AGO2: variants seen among roughly 807,000 people sequenced by gnomAD.
AGO2 encodes the protein argonaute RISC catalytic component 2.
A neutral mutation model predicts 102.3 loss-of-function variants in AGO2; 5 were observed. That is an observed-to-expected ratio of 0.05 (90% confidence interval 0.03 to 0.10). AGO2 has a LOEUF of 0.10. Among genes scored for constraint, AGO2 ranks in the 10% least tolerant of loss-of-function variants. AGO2 has a pLI of 1.00. For synonymous variants in AGO2, 449 were observed against 473.1 expected (o/e 0.95, Z 0.66); for missense variants, 541 against 1,183.7 (o/e 0.46, Z 7.97).
At position 140,583,765 on chromosome 8, in the gene AGO2, C is replaced by T. The variant is rs184591472; in HGVS notation, c.215+1354G>A. Among the ~76,000 whole-genome samples, 5 of 152,236 alleles carry T rather than the reference C, an allele frequency of 3.3e-5. No homozygotes were observed. The East Asian group carries it at 9.6e-4, about 29-fold the overall frequency. On this transcript the variant is annotated intron_variant, in intron 2 of 18. Coordinates refer to ENST00000220592, the MANE Select transcript of AGO2 (RefSeq NM_012154.5). ...TGGCAGGTGCCTGTAATCCCAGCTACTTGGGAGGATGAGGCAGGAGAATCA... is the reference window on the plus strand; with the variant it reads ...TGGCAGGTGCCTGTAATCCCAGCTATTTGGGAGGATGAGGCAGGAGAATCA...
At chr8:140,574,763 C>T (rs781288053) in intron 2 of AGO2, among the ~76,000 whole-genome samples, 2 of 151,852 alleles carry the variant, frequency 1.3e-5, no homozygotes, top group Non-Finnish European at 2.9e-5. Context: ...TGGTAAAGAG[C>T]GAGAGAGGAG....
chr8:140,552,965 T>C lies in AGO2; in HGVS notation c.1270-1529A>G, dbSNP rs2073028024. On this transcript the variant is annotated intron_variant, in intron 10 of 18. Coordinates refer to ENST00000220592, the MANE Select transcript of AGO2 (RefSeq NM_012154.5). ...CATCCCTGGTCGAGAACTCCTGCTG[T>C]ACACATTGCTTTCTGAGGGATATTT... 2.0e-5 allele frequency among the ~76,000 whole-genome samples: 3 copies of C among 152,250 alleles called. No individual in the cohort carries two copies. In the South Asian group the frequency reaches 6.2e-4, roughly 31 times the overall value.
At chr8:140,545,889 C>T (rs2132892401) in intron 13 of AGO2, among the ~76,000 whole-genome samples, 1 of 152,344 alleles carries the variant, frequency 6.6e-6, no homozygotes, top group Middle Eastern at 3.4e-3. Flanking sequence ...CACCCCAGCT[C>T]ACCAGAGGGA....
At chr8:140,580,537 C>T (rs2073540935) in intron 2 of AGO2, among the ~76,000 whole-genome samples, 1 of 152,200 alleles carries the variant, frequency 6.6e-6, no homozygotes, top group Non-Finnish European at 1.5e-5. Flanking sequence ...CTTCGTCTCC[C>T]TTTCCACTCG....
At chr8:140,625,500 A>G (rs1291622786) in intron 1 of AGO2, among the ~76,000 whole-genome samples, 1 of 151,598 alleles carries the variant, frequency 6.6e-6, no homozygotes, top group Non-Finnish European at 1.5e-5. Context: ...ATGGTCTTTC[A>G]TCCCTCGTAT....
chr8:140,593,606 G>A (rs1374527251), intron 1 of AGO2, among the ~76,000 whole-genome samples: 1 of 145,378 alleles, frequency 6.9e-6, no homozygotes, highest in Non-Finnish European at 1.5e-5. Context: ...ATTCATCCTA[G>A]ATACCTAGTA....
chr8:140,593,603 C>T (rs998525430), intron 1 of AGO2, among the ~76,000 whole-genome samples: 1 of 150,958 alleles, frequency 6.6e-6, no homozygotes, highest in South Asian at 2.1e-4. Context: ...CTGATTCATC[C>T]TAGATACCTA....
chr8:140,548,916 C>A (rs2072948245), intron 12 of AGO2, among the ~76,000 whole-genome samples, 198 bp downstream of exon 12: 1 of 152,270 alleles, frequency 6.6e-6, no homozygotes, highest in Non-Finnish European at 1.5e-5. Flanking sequence ...TGGCATCATA[C>A]AGGACGACGG....
chr8:140,555,885 C>T lies in AGO2; in HGVS notation c.1269+11G>A. ...CCCGCAGCCACACGTTCCCCGCCGCCCCACACGTACCCTGCCCCCGTAGAG... is the reference window on the plus strand; with the variant it reads ...CCCGCAGCCACACGTTCCCCGCCGCTCCACACGTACCCTGCCCCCGTAGAG... On this transcript the variant is annotated intron_variant, in intron 10 of 18. Coordinates refer to ENST00000220592, the MANE Select transcript of AGO2 (RefSeq NM_012154.5). 1 of 1,611,964 alleles carries T rather than the reference C, an allele frequency of 6.2e-7. No homozygotes were observed. Among genetic ancestry groups the T allele is most frequent in the Non-Finnish European group, 8.5e-7 (1 of 1,179,074 alleles).
intron 1 of AGO2, among the ~76,000 whole-genome samples, chr8:140,611,177 A>G (rs1019318644): frequency 6.6e-6 from 1 of 152,206 alleles, no homozygotes; most frequent in African/African-American, 2.4e-5. Flanking sequence ...GCATCTGCAC[A>G]GTGCAAGGCG....
At position 140,621,840 on chromosome 8, in the gene AGO2, C is replaced by T. The variant is rs1012639767; in HGVS notation, c.22+13645G>A. Among the ~76,000 whole-genome samples, 8 of 152,084 alleles carry T rather than the reference C, an allele frequency of 5.3e-5. No homozygotes were observed. In the South Asian group the frequency reaches 6.2e-4, roughly 12 times the overall value. ...AACTGAACCCTTCGTGAACTGCTGG[C>T]GGGAATGGAAACGGTGCAGCCACTG... On this transcript the variant is annotated intron_variant, in intron 1 of 18. Coordinates refer to ENST00000220592, the MANE Select transcript of AGO2 (RefSeq NM_012154.5).
At chr8:140,594,273 G>A (rs924009578) in intron 1 of AGO2, among the ~76,000 whole-genome samples, 2 of 151,708 alleles carry the variant, frequency 1.3e-5, no homozygotes, top group African/African-American at 4.8e-5. Flanking sequence ...ATATTTGAAG[G>A]AAAAAAATAA....
chr8:140,532,649 C>T (rs1490843985), intron 17 of AGO2, 34 bp from the exon 18 acceptor site: 17 of 1,595,200 alleles, frequency 1.1e-5, no homozygotes, highest in Admixed American at 8.4e-5. Context: ...CAGTTGGACT[C>T]GCATAAAATC....
intron 17 of AGO2, among the ~76,000 whole-genome samples, chr8:140,533,194 CCTGG>C (rs1173150677): frequency 1.3e-5 from 2 of 149,498 alleles, no homozygotes; most frequent in African/African-American, 4.9e-5. Flanking sequence ...TCGAGACCAT[CCTGG>C]CTAACACGGT....
intron 1 of AGO2, among the ~76,000 whole-genome samples, chr8:140,607,501 T>C (rs1564113830): frequency 7.2e-5 from 1 of 13,976 alleles, no homozygotes; most frequent in South Asian, 1.9e-3. Flanking sequence ...TATATATATA[T>C]ATATATATAT....
intron 14 of AGO2, 92 bp from the exon 15 acceptor site, chr8:140,541,450 A>C: frequency 1.7e-6 from 2 of 1,211,068 alleles, no homozygotes; most frequent in Non-Finnish European, 2.2e-6. Context: ...GGGGACGAGA[A>C]GTGTCCCCAC....
intron 1 of AGO2, among the ~76,000 whole-genome samples, chr8:140,628,516 A>G (rs144984174): frequency 1.8e-4 from 28 of 152,352 alleles, no homozygotes; most frequent in Middle Eastern, 3.4e-3. Flanking sequence ...AGAAATGCTC[A>G]ACTCTGTGCT....
chr8:140,597,487 C>T (rs1369489468), intron 1 of AGO2, among the ~76,000 whole-genome samples: 2 of 134,086 alleles, frequency 1.5e-5, no homozygotes, highest in Non-Finnish European at 1.7e-5. Flanking sequence ...CCCCCCCCCC[C>T]GCCCCAGGCC....
intron 1 of AGO2, among the ~76,000 whole-genome samples, chr8:140,611,810 C>T (rs2074081970): frequency 6.6e-6 from 1 of 152,158 alleles, no homozygotes; most frequent in South Asian, 2.1e-4. Flanking sequence ...ACCTGCACTT[C>T]AAAGAAAATG....
Sources: gnomAD v4.1 joint callset for allele counts (sites outside exome capture counted in the v4.1 genomes callset) on GRCh38, gnomAD v4.1.1 for gene constraint, MANE v1.5 for transcripts, NCBI Gene and HGNC (gene_info 2026-07-23, HGNC 2026-07-21) for gene names.